POU2AF3: variants seen among roughly 807,000 people sequenced by gnomAD.
POU2AF3 encodes the protein POU class 2 homeobox associating factor 3, also known as cancer susceptibility candidate 13.
chr11:111,308,497 A>G, the POU2AF3 span: 18 of 1,447,046 alleles, frequency 1.2e-5, no homozygotes, highest in Non-Finnish European at 1.8e-6. Flanking sequence ...CCACGTCTAG[A>G]TGACACTGCA....
the POU2AF3 span, chr11:111,298,826 G>GCCGGGGGGGGCCC: frequency 1.3e-6 from 1 of 790,962 alleles, no homozygotes; most frequent in Non-Finnish European, 1.7e-6. Flanking sequence ...CGTACCCCAG[G>GCCGGGGGGGGCCC]CCCCCGCCCG....
chr11:111,308,358 G>A, the POU2AF3 span: 5 of 1,551,612 alleles, frequency 3.2e-6, no homozygotes, highest in African/African-American at 1.4e-5. Context: ...AGCACAGACT[G>A]TGTGGACTTT....
chr11:111,303,448 G>A, the POU2AF3 span, among the ~76,000 whole-genome samples: 1 of 152,244 alleles, frequency 6.6e-6, no homozygotes, highest in South Asian at 2.1e-4. Context: ...TATTCTTGGA[G>A]CAAAGTAGAA....
chr11:111,304,758 AC>A, the POU2AF3 span: 1 of 397,002 alleles, frequency 2.5e-6, no homozygotes, highest in African/African-American at 2.1e-5. Flanking sequence ...TATATTTTGT[AC>A]AAAAATTTGT....
At chr11:111,306,466 T>C in the POU2AF3 span, 2 of 1,510,150 alleles carry the variant, frequency 1.3e-6, no homozygotes, top group Non-Finnish European at 1.8e-6. Flanking sequence ...TCCAGTTGTG[T>C]TTCATGTGAA....
chr11:111,299,932 C>T, the POU2AF3 span: 5 of 411,428 alleles, frequency 1.2e-5, no homozygotes, highest in Non-Finnish European at 2.1e-5. Flanking sequence ...ACGGGGCTGG[C>T]CAAACCTCAC....
chr11:111,304,358 T>C, the POU2AF3 span, among the ~76,000 whole-genome samples: 1 of 152,190 alleles, frequency 6.6e-6, no homozygotes, highest in Non-Finnish European at 1.5e-5. Flanking sequence ...AATAGTTTAA[T>C]AGGAAGCCTT....
chr11:111,298,991 G>A, the POU2AF3 span: 1 of 999,596 alleles, frequency 1.0e-6, no homozygotes, highest in Non-Finnish European at 1.2e-6. Context: ...GTCCCTGCGC[G>A]GACCCCGAGG....
the POU2AF3 span, chr11:111,308,359 T>C: frequency 6.4e-7 from 1 of 1,551,736 alleles, no homozygotes. Context: ...GCACAGACTG[T>C]GTGGACTTTG....
the POU2AF3 span, chr11:111,300,010 C>G: frequency 2.5e-6 from 1 of 397,742 alleles, no homozygotes; most frequent in African/African-American, 2.1e-5. Flanking sequence ...GAAGCCACAC[C>G]TGGCCAGGCG....
the POU2AF3 span, chr11:111,298,570 C>T: frequency 8.0e-7 from 1 of 1,246,504 alleles, no homozygotes; most frequent in African/African-American, 1.6e-5. Context: ...GACCCAGCTC[C>T]TGCTGACCAC....
chr11:111,308,637 T>C, the POU2AF3 span: 2 of 419,432 alleles, frequency 4.8e-6, no homozygotes, highest in South Asian at 1.0e-4. Flanking sequence ...TGTATGCTCA[T>C]AGTTTAAATT....
chr11:111,307,950 G>C, the POU2AF3 span: 1 of 948,434 alleles, frequency 1.1e-6, no homozygotes, highest in Non-Finnish European at 1.5e-6. Context: ...GTGTTGTTTC[G>C]TTTGATTTGG....
the POU2AF3 span, chr11:111,307,968 C>T: frequency 1.5e-5 from 17 of 1,140,614 alleles, no homozygotes; most frequent in East Asian, 4.5e-4. Flanking sequence ...TGGTTTTTTA[C>T]CCCTCATTTT....
the POU2AF3 span, chr11:111,300,205 G>A: frequency 3.1e-6 from 1 of 327,420 alleles, no homozygotes; most frequent in East Asian, 4.7e-5. Context: ...CAGAGTGGTG[G>A]GCTCCGCTGC....
the POU2AF3 span, chr11:111,298,674 G>T: frequency 2.5e-6 from 3 of 1,196,306 alleles, no homozygotes; most frequent in African/African-American, 3.2e-5. Context: ...TTCCTGCATA[G>T]AACAGAGAGG....
the POU2AF3 span, chr11:111,298,565 A>G: frequency 8.0e-7 from 1 of 1,246,550 alleles, no homozygotes; most frequent in Non-Finnish European, 1.0e-6. Flanking sequence ...CCACCGACCC[A>G]GCTCCTGCTG....
chr11:111,302,186 G>C, the POU2AF3 span, among the ~76,000 whole-genome samples: 105,836 of 152,106 alleles, frequency 0.7, 37,062 homozygotes, highest in South Asian at 0.82. Flanking sequence ...AACGCTAAAA[G>C]TAGGACTAAG....
chr11:111,301,345 A>C, the POU2AF3 span, among the ~76,000 whole-genome samples: 1 of 152,182 alleles, frequency 6.6e-6, no homozygotes, highest in Non-Finnish European at 1.5e-5. Flanking sequence ...TGCCCAAGAG[A>C]GGGCAGCTCA....
Sources: gnomAD v4.1 joint callset for allele counts (sites outside exome capture counted in the v4.1 genomes callset) on GRCh38, gnomAD v4.1.1 for gene constraint, MANE v1.5 for transcripts, NCBI Gene and HGNC (gene_info 2026-07-23, HGNC 2026-07-21) for gene names.